Variants in SHC4 observed in about 807,000 individuals in gnomAD.
SHC4 encodes the protein SHC-transforming protein 4.
Under a neutral mutation model 69.4 loss-of-function variants are expected in SHC4, and 41 were observed. The ratio of observed to expected loss-of-function variants is 0.59; its 90% CI spans 0.46 to 0.77. The LOEUF is 0.77. Among genes scored for constraint, SHC4 ranks in the 30% least tolerant of loss-of-function variants. SHC4 has a pLI of 0.00. For synonymous variants in SHC4, 318 were observed against 299.3 expected (o/e 1.06, Z -0.64); for missense variants, 777 against 783.8 (o/e 0.99, Z 0.10).
At chr15:48,897,115 TC>T (rs966406790) in intron 2 of SHC4, among the ~76,000 whole-genome samples, 8 of 152,196 alleles carry the variant, frequency 5.3e-5, no homozygotes, top group African/African-American at 1.7e-4. Context: ...TAGCAAACAT[TC>T]AGCAAGTGTC....
rs141720296 is a variant in SHC4, at chr15:48,846,671, G to A, written c.1304-3083C>T. The stretch of plus-strand genomic sequence containing the variant: ...CGTGTCCTTGAGGAAAGACTAGAAC[G>A]CATCCAATTTGTGTATCTTCTGCAT... On this transcript the variant is annotated intron_variant, in intron 9 of 11. Transcript: ENST00000332408. Among the ~76,000 whole-genome samples, 23 of 152,280 alleles carry A rather than the reference G, an allele frequency of 1.5e-4. No individual in the cohort carries two copies. In the South Asian group the frequency reaches 3.5e-3, roughly 23 times the overall value.
intron 1 of SHC4, among the ~76,000 whole-genome samples, chr15:48,931,066 T>C (rs1900955973): frequency 6.6e-6 from 1 of 152,240 alleles, no homozygotes; most frequent in Non-Finnish European, 1.5e-5. Context: ...TTCATTTTCC[T>C]CTGAACTCTC....
intron 9 of SHC4, among the ~76,000 whole-genome samples, chr15:48,845,135 C>T (rs8026036): frequency 2.4e-4 from 37 of 152,314 alleles, no homozygotes; most frequent in African/African-American, 8.7e-4. Flanking sequence ...TGTAAGACAA[C>T]ATTAGTCCTT....
At chr15:48,871,976 T>G in intron 5 of SHC4, 113 bp downstream of exon 5, 1 of 657,582 alleles carries the variant, frequency 1.5e-6, no homozygotes, top group Non-Finnish European at 2.7e-6. Context: ...GGAAAAGACA[T>G]GTAGTGGCTA....
intron 6 of SHC4, among the ~76,000 whole-genome samples, chr15:48,864,057 T>C (rs1248958032): frequency 6.6e-6 from 1 of 152,008 alleles, no homozygotes; most frequent in Non-Finnish European, 1.5e-5. Context: ...TCTTTGCCTA[T>C]TTTTTTTATT....
intron 10 of SHC4, among the ~76,000 whole-genome samples, chr15:48,838,118 C>T (rs967543472): frequency 6.6e-6 from 1 of 152,060 alleles, no homozygotes; most frequent in African/African-American, 2.4e-5. Context: ...TACTATAGAG[C>T]AATTTAAAAT....
intron 11 of SHC4, among the ~76,000 whole-genome samples, chr15:48,833,897 G>A (rs1898853692): frequency 1.3e-5 from 2 of 152,280 alleles, no homozygotes; most frequent in Middle Eastern, 3.4e-3. Context: ...CTGAGGTACT[G>A]AAACTTTTGA....
At chr15:48,921,339 T>G (rs1595758236) in intron 2 of SHC4, among the ~76,000 whole-genome samples, 1 of 151,530 alleles carries the variant, frequency 6.6e-6, no homozygotes, top group Admixed American at 6.6e-5. Flanking sequence ...TCGTTTTTTT[T>G]TTTTTTTCCT....
At chr15:48,834,465 A>T (rs995275358) in intron 11 of SHC4, among the ~76,000 whole-genome samples, 2 of 152,190 alleles carry the variant, frequency 1.3e-5, no homozygotes, top group Non-Finnish European at 2.9e-5. Context: ...AGGACTATGT[A>T]TGTGATATTG....
At chr15:48,885,423 G>C (rs1900018802) in intron 3 of SHC4, among the ~76,000 whole-genome samples, 1 of 152,110 alleles carries the variant, frequency 6.6e-6, no homozygotes, top group South Asian at 2.1e-4. Flanking sequence ...GGTTACATGA[G>C]AGCTGTTATT....
rs552602485 is a variant in SHC4, at chr15:48,954,045, C to T, written c.585+8386G>A. Among the ~76,000 whole-genome samples the T allele has an allele frequency of 3.3e-5, 5 of 152,302 alleles. No individual in the cohort carries two copies. In the East Asian group the frequency reaches 7.7e-4, roughly 23 times the overall value. ...TTGTTTATTTTTCCATTTAATATTG[C>T]CTCCTAATCTACATCCCGGGTTCAT... On this transcript the variant is annotated intron_variant, in intron 1 of 11. Coordinates refer to ENST00000332408, the MANE Select transcript of SHC4 (RefSeq NM_203349.4).
chr15:48,867,717 T>C, intron 6 of SHC4, 101 bp downstream of exon 6: 6 of 975,550 alleles, frequency 6.2e-6, no homozygotes, highest in South Asian at 4.3e-5. Flanking sequence ...TATAGCACCC[T>C]AGTGATAGTC....
chr15:48,841,271 A>C (rs994083314), intron 10 of SHC4, among the ~76,000 whole-genome samples: 1 of 152,244 alleles, frequency 6.6e-6, no homozygotes, highest in Non-Finnish European at 1.5e-5. Flanking sequence ...TAAGGTCCAG[A>C]AAGGGTTTTT....
At chr15:48,836,479 T>C (rs1898900157) in intron 10 of SHC4, among the ~76,000 whole-genome samples, 2 of 152,170 alleles carry the variant, frequency 1.3e-5, no homozygotes, top group South Asian at 2.1e-4. Flanking sequence ...CAGGTTCTTA[T>C]GTCTGAAACT....
At chr15:48,874,104 C>T (rs1282012719) in intron 4 of SHC4, among the ~76,000 whole-genome samples, 1 of 152,134 alleles carries the variant, frequency 6.6e-6, no homozygotes, top group Non-Finnish European at 1.5e-5. Context: ...TATAATATCA[C>T]ATTCAAGATG....
chr15:48,873,180 C>T (rs902549006), intron 4 of SHC4, among the ~76,000 whole-genome samples: 11 of 152,140 alleles, frequency 7.2e-5, no homozygotes, highest in Non-Finnish European at 1.3e-4. Flanking sequence ...AGAAGTCTAA[C>T]ACAAAGAATA....
chr15:48,868,136 C>A (rs1321646043), intron 5 of SHC4, among the ~76,000 whole-genome samples: 1 of 152,098 alleles, frequency 6.6e-6, no homozygotes, highest in African/African-American at 2.4e-5. Context: ...AAAGAGAAAG[C>A]AGATAGGGAA....
intron 1 of SHC4, among the ~76,000 whole-genome samples, chr15:48,934,076 A>G (rs536070683): frequency 2.6e-5 from 4 of 152,288 alleles, no homozygotes; most frequent in African/African-American, 9.6e-5. Context: ...GGAAATAAAT[A>G]TATAGGTTGG....
intron 1 of SHC4, among the ~76,000 whole-genome samples, chr15:48,954,594 G>A (rs951845181): frequency 1.3e-5 from 2 of 152,202 alleles, no homozygotes; most frequent in Admixed American, 6.5e-5. Context: ...GGGGACTAGC[G>A]GATAAACATT....
Sources: allele counts gnomAD v4.1 joint callset (sites outside exome capture counted in the v4.1 genomes callset), GRCh38; gene constraint gnomAD v4.1.1; transcripts MANE v1.5; gene names NCBI Gene and HGNC (gene_info 2026-07-23, HGNC 2026-07-21).